Variants in FAAP20 observed in about 807,000 individuals in gnomAD.
FAAP20 encodes the protein Fanconi anemia core complex-associated protein 20.
FAAP20 carries 12 observed loss-of-function variants against 16.2 expected under a neutral mutation model. That is an observed-to-expected ratio of 0.74 (90% CI 0.48 to 1.20). The LOEUF (loss-of-function observed/expected upper bound fraction) is 1.20, where lower values mean the gene tolerates loss of function less well. Ranked by LOEUF, FAAP20 falls within the 50% of genes most tolerant of loss-of-function variation. The pLI, the probability that FAAP20 is intolerant of heterozygous loss-of-function variation, is 0.00. For missense variants in FAAP20, 288 were observed against 245.8 expected (o/e 1.17, Z -1.15); for synonymous variants, 141 against 110.7 (o/e 1.27, Z -1.72).
intron 3 of FAAP20, chr1:2,190,428 C>T (rs908343074): frequency 9.0e-6 from 4 of 444,924 alleles, no homozygotes; most frequent in South Asian, 1.6e-5. Context: ...TGCAGGTCAG[C>T]GCCCTGGGCA....
upstream of FAAP20, among the ~76,000 whole-genome samples, chr1:2,202,226 C>T (rs1689078833): frequency 6.6e-6 from 1 of 152,182 alleles, no homozygotes; most frequent in Non-Finnish European, 1.5e-5. Context: ...GGCTGCTCTC[C>T]CCTACCAGGT....
downstream of FAAP20, among the ~76,000 whole-genome samples, chr1:2,189,303 G>A (rs1687890970): frequency 6.7e-6 from 1 of 150,366 alleles, no homozygotes; most frequent in Non-Finnish European, 1.5e-5. Flanking sequence ...CTGCACTCCA[G>A]CCTGGGCGAC....
chr1:2,184,513 G>A (rs1047449400), downstream of FAAP20: 23 of 1,150,224 alleles, frequency 2.0e-5, no homozygotes, highest in Middle Eastern at 1.9e-4. Context: ...ATTGAAGTGC[G>A]TGCAAAACAC....
chr1:2,184,598 G>A, downstream of FAAP20: 2 of 1,613,862 alleles, frequency 1.2e-6, no homozygotes, highest in Non-Finnish European at 1.7e-6. Flanking sequence ...GAAGAAGCAG[G>A]CGCTCCCTCC....
chr1:2,210,398 C>T (rs1385481194), downstream of FAAP20, among the ~76,000 whole-genome samples: 1 of 152,144 alleles, frequency 6.6e-6, no homozygotes, highest in Non-Finnish European at 1.5e-5. Context: ...AGAGCTCCAG[C>T]CCCCCACGGC....
At chr1:2,198,857 G>A (rs773219168), upstream of FAAP20, 27 of 1,289,798 alleles carry the variant, frequency 2.1e-5, no homozygotes, top group Admixed American at 4.6e-5. Context: ...AGGCAGGCAC[G>A]CCCACCCATA....
At chr1:2,193,583 T>G (rs998793719) in intron 3 of FAAP20, 56 bp downstream of exon 3, 90 of 1,571,282 alleles carry the variant, frequency 5.7e-5, no homozygotes, top group Non-Finnish European at 7.1e-5. Flanking sequence ...TCTGAACGGC[T>G]GTGGTTTCCA....
intron 1 of FAAP20, among the ~76,000 whole-genome samples, chr1:2,206,995 C>T (rs986190215): frequency 1.7e-4 from 26 of 152,282 alleles, no homozygotes; most frequent in Admixed American, 3.9e-4. Context: ...GGGACAAACC[C>T]GAAAACACGG....
At chr1:2,202,523 G>C (rs1385828779), upstream of FAAP20, among the ~76,000 whole-genome samples, 1 of 152,078 alleles carries the variant, frequency 6.6e-6, no homozygotes, top group Non-Finnish European at 1.5e-5. Flanking sequence ...GAGTCTAGTG[G>C]CATGATCTCG....
downstream of FAAP20, chr1:2,184,696 T>C: frequency 6.2e-7 from 1 of 1,612,664 alleles, no homozygotes; most frequent in Non-Finnish European, 8.5e-7. Flanking sequence ...CCCCAGACGA[T>C]GAGTGAGTCC....
intron 3 of FAAP20, chr1:2,193,064 C>A: frequency 8.0e-7 from 1 of 1,245,184 alleles, no homozygotes; most frequent in Non-Finnish European, 1.1e-6. Context: ...CCAAAAGTTA[C>A]GAACCAGCAT....
rs751857585 is a variant in FAAP20 at position 2,189,670 on chromosome 1, T to C, written c.*39A>G. ...GGGGCTGCTGGCGGGGGAGAGCGTGTCCGGGCGCCGCACTCTGCGCAGGGC... is the reference window on the plus strand; with the variant it reads ...GGGGCTGCTGGCGGGGGAGAGCGTGCCCGGGCGCCGCACTCTGCGCAGGGC... On this transcript the variant is annotated 3_prime_UTR_variant, in exon 4 of 4. Coordinates refer to ENST00000378546, the MANE Select transcript of FAAP20 (RefSeq NM_182533.4). 2 of 1,570,770 alleles carry C rather than the reference T, an allele frequency of 1.3e-6. No individual in the cohort carries two copies. Among genetic ancestry groups the C allele is most frequent in the South Asian group, 2.2e-5 (2 of 90,064 alleles).
downstream of FAAP20, among the ~76,000 whole-genome samples, chr1:2,208,427 G>C (rs888296651): frequency 6.6e-6 from 1 of 152,190 alleles, no homozygotes; most frequent in Admixed American, 6.5e-5. Context: ...CTCCCCTGCA[G>C]TTGTCCACGG....
At chr1:2,197,983 C>G (rs113883266), upstream of FAAP20, 2,361 of 1,279,754 alleles carry the variant, frequency 1.8e-3, 49 homozygotes, top group African/African-American at 0.031. Context: ...GACAAGGAAG[C>G]ATGTTCACCT....
chr1:2,194,810 C>T, upstream of FAAP20: 1 of 1,089,756 alleles, frequency 9.2e-7, no homozygotes, highest in Non-Finnish European at 1.1e-6. Flanking sequence ...AGGCCCCGCC[C>T]CCGCCCCGGC....
upstream of FAAP20, among the ~76,000 whole-genome samples, chr1:2,195,419 C>T (rs1035254442): frequency 6.6e-6 from 1 of 152,218 alleles, no homozygotes; most frequent in Non-Finnish European, 1.5e-5. Flanking sequence ...GCCCCATGGG[C>T]CCAGGCCACT....
downstream of FAAP20, chr1:2,185,252 C>A: frequency 1.4e-6 from 1 of 713,076 alleles, no homozygotes; most frequent in South Asian, 1.5e-5. Context: ...CGCGGCGGAT[C>A]CGCGGGGACC....
At chr1:2,195,910 C>T (rs1296287308), upstream of FAAP20, among the ~76,000 whole-genome samples, 1 of 152,222 alleles carries the variant, frequency 6.6e-6, no homozygotes, top group Admixed American at 6.5e-5. Context: ...AACCCCCAGG[C>T]CCTTCGACTT....
chr1:2,189,259 G>A (rs377648296), downstream of FAAP20, among the ~76,000 whole-genome samples: 1 of 150,204 alleles, frequency 6.7e-6, no homozygotes, highest in African/African-American at 2.5e-5. Flanking sequence ...TCAAGCCCAG[G>A]AGTCTGAGGC....
Sources: allele counts gnomAD v4.1 joint callset (sites outside exome capture counted in the v4.1 genomes callset), GRCh38; gene constraint gnomAD v4.1.1; transcripts MANE v1.5; gene names NCBI Gene and HGNC (gene_info 2026-07-23, HGNC 2026-07-21).